The following VAV2 variants were observed in gnomAD, a reference collection of about 807,000 sequenced individuals.
The protein encoded by VAV2 is guanine nucleotide exchange factor VAV2.
In VAV2, 67 loss-of-function variants were observed where a neutral mutation model predicts 132.5. The observed-to-expected ratio is 0.51, with a 90% CI of 0.42 to 0.62. The LOEUF is 0.62. Ranked by LOEUF, VAV2 falls within the 20% of genes least tolerant of loss-of-function variation. The pLI is 0.00. For synonymous variants in VAV2, 492 were observed against 443.5 expected, an observed-to-expected ratio of 1.11 and a Z score of -1.37; for missense variants, 938 against 1,153.6, an observed-to-expected ratio of 0.81 and a Z score of 2.71.
At chr9:133,983,480 C>T (rs953798220) in intron 1 of VAV2, among the ~76,000 whole-genome samples, 1 of 152,162 alleles carries the variant, frequency 6.6e-6, no homozygotes, top group Non-Finnish European at 1.5e-5. Context: ...ATGAGTCCAC[C>T]GCCCTGAGGC....
At chr9:133,846,562 T>TGCCCTGGCCCCGGCC (rs1244522580) in intron 3 of VAV2, among the ~76,000 whole-genome samples, 1 of 150,460 alleles carries the variant, frequency 6.6e-6, no homozygotes, top group African/African-American at 2.5e-5. Flanking sequence ...TGTCCCTGGC[T>TGCCCTGGCCCCGGCC]GCCCTGGCCC....
rs1834625096 is a variant in VAV2, at chr9:133,794,420, G to A, written c.1101+1248C>T. ...CACACGAGTGCCCACAGGATTTGGA[G>A]TAAATTTCTCCCCGAGCACAAGCCC... On this transcript the variant is annotated intron_variant, in intron 12 of 29. Coordinates refer to ENST00000371850, the MANE Select transcript of VAV2 (RefSeq NM_001134398.2). This position sits in a 1 kb window ranked among gnomAD's most constrained non-coding sequence, Gnocchi z 4.6. Among the ~76,000 whole-genome samples, 1 of 152,204 alleles carries A rather than the reference G, an allele frequency of 6.6e-6. No individual in the cohort carries two copies. Among genetic ancestry groups the A allele is most frequent in the Non-Finnish European group, 1.5e-5 (1 of 68,034 alleles).
At chr9:133,941,449 T>C (rs1201733600) in intron 1 of VAV2, among the ~76,000 whole-genome samples, 5 of 152,044 alleles carry the variant, frequency 3.3e-5, no homozygotes, top group Non-Finnish European at 7.4e-5. Flanking sequence ...AAACCTAGAT[T>C]GCTAATTTTA....
intron 2 of VAV2, among the ~76,000 whole-genome samples, chr9:133,930,067 C>T (rs1480911989): frequency 6.6e-6 from 1 of 152,242 alleles, no homozygotes; most frequent in African/African-American, 2.4e-5. Flanking sequence ...CTGAAGGGAA[C>T]CATCCGTACC....
chr9:133,853,030 A>G (rs1262252023), intron 3 of VAV2, among the ~76,000 whole-genome samples: 1 of 152,182 alleles, frequency 6.6e-6, no homozygotes, highest in East Asian at 1.9e-4. Flanking sequence ...TAGTCACCCT[A>G]TTCACAGACG....
At chr9:133,886,463 T>A (rs1433807333) in intron 2 of VAV2, among the ~76,000 whole-genome samples, 1 of 152,186 alleles carries the variant, frequency 6.6e-6, no homozygotes, top group Non-Finnish European at 1.5e-5. Context: ...GTCTGAGCTC[T>A]GGCCAGGGTC....
chr9:133,974,208 A>T (rs1179452401), intron 1 of VAV2, among the ~76,000 whole-genome samples: 1 of 152,188 alleles, frequency 6.6e-6, no homozygotes, highest in East Asian at 1.9e-4. Flanking sequence ...CTGGGCCGCA[A>T]GCAGGGCTGC....
chr9:133,970,384 G>A (rs1842290262), intron 1 of VAV2, among the ~76,000 whole-genome samples: 1 of 152,224 alleles, frequency 6.6e-6, no homozygotes, highest in Non-Finnish European at 1.5e-5. Flanking sequence ...TTCGGTGCTT[G>A]CTGGGAGCCA....
chr9:133,988,374 C>T (rs1842920067), intron 1 of VAV2, among the ~76,000 whole-genome samples: 1 of 152,176 alleles, frequency 6.6e-6, no homozygotes, highest in Non-Finnish European at 1.5e-5. Flanking sequence ...TTTAAACAGT[C>T]CTGGGAGGGA....
chr9:133,803,487 A>T (rs1395110265), intron 9 of VAV2, among the ~76,000 whole-genome samples: 3 of 151,594 alleles, frequency 2.0e-5, no homozygotes, highest in Non-Finnish European at 2.9e-5. Flanking sequence ...GAGAAAAACC[A>T]CACGGCTTTG....
chr9:133,764,201 C>T, intron 29 of VAV2, 92 bp from the exon 30 acceptor site: 1 of 1,535,136 alleles, frequency 6.5e-7, no homozygotes, highest in Non-Finnish European at 8.9e-7. Context: ...CAAGTAGAGG[C>T]TCATGAAGAT....
chr9:133,834,028 C>G lies in VAV2; in HGVS notation c.449+244G>C, dbSNP rs1255349835. Among the ~76,000 whole-genome samples, 1 of 152,198 alleles carries G rather than the reference C, an allele frequency of 6.6e-6. No homozygotes were observed. The highest frequency in any genetic ancestry group is 1.5e-5 in the Non-Finnish European group (1 of 68,026). On this transcript the variant is annotated intron_variant, in intron 4 of 29. Coordinates refer to ENST00000371850, the MANE Select transcript of VAV2 (RefSeq NM_001134398.2). This position sits in a 1 kb window ranked among gnomAD's most constrained non-coding sequence, Gnocchi z 5.9. ...GCCAGCCATTAGACTGGCTGGGCAG[C>G]CTTCTAGAATGTACAAGGGATATGA...
intron 2 of VAV2, among the ~76,000 whole-genome samples, chr9:133,925,384 T>C (rs1292396176): frequency 2.0e-5 from 3 of 152,114 alleles, no homozygotes; most frequent in Admixed American, 6.5e-5. Context: ...ATCCTGCTAA[T>C]TTTTTGTATT....
In VAV2 at chr9:133,879,586, G is replaced by A. The variant is rs781459959; in HGVS notation, c.322-18154C>T. 3.9e-5 allele frequency among the ~76,000 whole-genome samples: 6 copies of A among 152,124 alleles called. No homozygotes were observed. The highest frequency in any genetic ancestry group is 2.4e-5 in the African/African-American group (1 of 41,424). On this transcript the variant is annotated intron_variant, in intron 2 of 29. Coordinates refer to ENST00000371850, the MANE Select transcript of VAV2 (RefSeq NM_001134398.2). The surrounding 1 kb of genome is among the most constrained non-coding windows in gnomAD (Gnocchi z 4.4). ...GAGCACCTGACATTACAGACCCACA[G>A]GGCAACCAAGTGCACATCTGAGTCC...
In VAV2 at chr9:133,939,226, G is replaced by A. The variant is rs1189623784; in HGVS notation, c.205-7C>T. 1.2e-6 allele frequency: 2 copies of A among 1,612,988 alleles called. No individual in the cohort carries two copies. Among genetic ancestry groups the A allele is most frequent in the Non-Finnish European group, 1.7e-6 (2 of 1,179,060 alleles). On this transcript the variant is annotated splice_region_variant and splice_polypyrimidine_tract_variant and intron_variant, in intron 1 of 29. Transcript: ENST00000371850. ...TGTTCTTCAAACACAGAAACTAAAG[G>A]GAAAAAACAAAGGGAGGGCAAGGAA...
chr9:133,950,996 C>CT (rs1461006051), intron 1 of VAV2, among the ~76,000 whole-genome samples: 2 of 152,194 alleles, frequency 1.3e-5, no homozygotes, highest in African/African-American at 4.8e-5. Flanking sequence ...AAATGGATCC[C>CT]TTCACAGCCA....
chr9:133,808,770 G>A (rs1026586711), intron 7 of VAV2, among the ~76,000 whole-genome samples: 4 of 152,242 alleles, frequency 2.6e-5, no homozygotes, highest in African/African-American at 7.2e-5. Context: ...ATGTTCAGGA[G>A]CTGAAGCCGT....
At position 133,833,535 on chromosome 9, in the gene VAV2, A is replaced by T. The variant is rs1836344703; in HGVS notation, c.449+737T>A. 6.6e-6 allele frequency among the ~76,000 whole-genome samples: 1 copy of T among 152,130 alleles called. No individual in the cohort carries two copies. Among genetic ancestry groups the T allele is most frequent in the Non-Finnish European group, 1.5e-5 (1 of 68,014 alleles). On this transcript the variant is annotated intron_variant, in intron 4 of 29. Coordinates refer to ENST00000371850, the MANE Select transcript of VAV2 (RefSeq NM_001134398.2). This position sits in a 1 kb window ranked among gnomAD's most constrained non-coding sequence, Gnocchi z 5.6. ...CGGTGGCCTGGGAGGGTGGTGGATG[A>T]GCCAGGCCGTGAGGCCCCAGCAAGG...
At chr9:133,785,480 C>T (rs1449015344) in intron 17 of VAV2, among the ~76,000 whole-genome samples, 3 of 152,220 alleles carry the variant, frequency 2.0e-5, no homozygotes, top group South Asian at 2.1e-4. Context: ...GTGGGCCGGG[C>T]GTGCCAGGCT....
Sources: allele counts gnomAD v4.1 joint callset (sites outside exome capture counted in the v4.1 genomes callset), GRCh38; gene constraint gnomAD v4.1.1; non-coding constraint Gnocchi (gnomAD v3.1); transcripts MANE v1.5; gene names NCBI Gene and HGNC (gene_info 2026-07-23, HGNC 2026-07-21).